HCN1: variants seen among roughly 807,000 people sequenced by gnomAD.
HCN1 encodes the protein hyperpolarization activated cyclic nucleotide gated potassium channel 1, also known as potassium/sodium hyperpolarization-activated cyclic nucleotide-gated channel 1.
HCN1 carries 13 observed loss-of-function variants against 78.9 expected under a neutral mutation model. The ratio of observed to expected loss-of-function variants is 0.16; its 90% CI spans 0.11 to 0.26. The LOEUF (loss-of-function observed/expected upper bound fraction) is 0.26, where lower values mean the gene tolerates loss of function less well. HCN1 is among the 10% of genes least tolerant of loss of function. The pLI is 1.00. For synonymous variants in HCN1, 552 were observed against 455.5 expected, an observed-to-expected ratio of 1.21 and a Z score of -2.70; for missense variants, 810 against 1,154.3, an observed-to-expected ratio of 0.70 and a Z score of 4.32.
intron 3 of HCN1, among the ~76,000 whole-genome samples, chr5:45,403,671 T>C (rs1739867218): frequency 6.6e-6 from 1 of 152,050 alleles, no homozygotes; most frequent in African/African-American, 2.4e-5. Context: ...CAATTCAAGA[T>C]GAGATTTTGG....
chr5:45,358,211 G>A (rs1251571098), intron 4 of HCN1, among the ~76,000 whole-genome samples: 1 of 152,090 alleles, frequency 6.6e-6, no homozygotes, highest in Non-Finnish European at 1.5e-5. Flanking sequence ...GAAATCATAA[G>A]TATAATAACC....
chr5:45,458,224 T>C (rs1475735634), intron 3 of HCN1, among the ~76,000 whole-genome samples: 2 of 151,978 alleles, frequency 1.3e-5, no homozygotes, highest in Non-Finnish European at 2.9e-5. Context: ...AGTATGGGTA[T>C]AAGTGCAGAT....
intron 6 of HCN1, among the ~76,000 whole-genome samples, chr5:45,285,606 G>A (rs1228970493): frequency 6.6e-6 from 1 of 151,742 alleles, no homozygotes; most frequent in Non-Finnish European, 1.5e-5. Context: ...CATTTTCATG[G>A]TCCCTGAGAA....
chr5:45,348,145 C>T (rs1306114203), intron 5 of HCN1, among the ~76,000 whole-genome samples: 2 of 152,100 alleles, frequency 1.3e-5, no homozygotes, highest in African/African-American at 4.8e-5. Flanking sequence ...AAGGGAAGCC[C>T]ATCAGACTAA....
At position 45,265,716 on chromosome 5, in the gene HCN1, C is replaced by T. The variant is rs1744842753; in HGVS notation, c.1783+1373G>A. On this transcript the variant is annotated intron_variant, in intron 7 of 7. Coordinates refer to ENST00000303230, the MANE Select transcript of HCN1 (RefSeq NM_021072.4). ...ACCTCCTTGTTTATCACAAGTGATC[C>T]CAGCCCCATCTTTTTTGAGTTCATT... 2.0e-5 allele frequency among the ~76,000 whole-genome samples: 3 copies of T among 152,092 alleles called. No homozygotes were observed. In the South Asian group the frequency reaches 6.2e-4, roughly 31 times the overall value.
At chr5:45,630,192 CA>C (rs1745246413) in intron 2 of HCN1, among the ~76,000 whole-genome samples, 1 of 152,128 alleles carries the variant, frequency 6.6e-6, no homozygotes, top group African/African-American at 2.4e-5. Context: ...GACCCTGCCT[CA>C]AATCTTACCT....
At chr5:45,480,617 A>G (rs999274157) in intron 2 of HCN1, among the ~76,000 whole-genome samples, 6 of 152,178 alleles carry the variant, frequency 3.9e-5, no homozygotes, top group Admixed American at 3.3e-4. Flanking sequence ...CTCATGAACA[A>G]TGACTGAAAT....
At chr5:45,486,953 CT>C (rs1741777983) in intron 2 of HCN1, among the ~76,000 whole-genome samples, 1 of 152,038 alleles carries the variant, frequency 6.6e-6, no homozygotes, top group African/African-American at 2.4e-5. Context: ...CACAGTTGTC[CT>C]AAATACAGTC....
chr5:45,330,757 T>C (rs1442070361), intron 5 of HCN1, among the ~76,000 whole-genome samples: 1 of 151,036 alleles, frequency 6.6e-6, no homozygotes, highest in Non-Finnish European at 1.5e-5. Context: ...GCTTCTTTGG[T>C]ATTGATGTTT....
intron 5 of HCN1, among the ~76,000 whole-genome samples, chr5:45,341,914 T>C (rs1168111305): frequency 1.3e-5 from 2 of 152,176 alleles, no homozygotes; most frequent in Non-Finnish European, 2.9e-5. Context: ...AGAGTTTTGA[T>C]GGGAGATCAT....
intron 2 of HCN1, among the ~76,000 whole-genome samples, chr5:45,500,403 T>A (rs1163402340): frequency 6.6e-6 from 1 of 152,202 alleles, no homozygotes; most frequent in East Asian, 1.9e-4. Flanking sequence ...ATATGGTTTT[T>A]AAAATAAAAT....
At chr5:45,531,718 C>A (rs1380158930) in intron 2 of HCN1, among the ~76,000 whole-genome samples, 3 of 152,082 alleles carry the variant, frequency 2.0e-5, no homozygotes, top group African/African-American at 7.2e-5. Flanking sequence ...TAGGCTCTGA[C>A]ACTTTTTTTT....
chr5:45,485,234 G>A (rs753164565), intron 2 of HCN1, among the ~76,000 whole-genome samples: 1 of 152,140 alleles, frequency 6.6e-6, no homozygotes, highest in African/African-American at 2.4e-5. Context: ...AATAAGTGAC[G>A]ACTTGATGCC....
chr5:45,580,603 G>GTGTATACA (rs1744044517), intron 2 of HCN1, among the ~76,000 whole-genome samples: 1 of 151,892 alleles, frequency 6.6e-6, no homozygotes, highest in South Asian at 2.1e-4. Flanking sequence ...TTTGTTACAT[G>GTGTATACA]TGTATACATG....
intron 5 of HCN1, among the ~76,000 whole-genome samples, chr5:45,317,774 C>T (rs1159158917): frequency 6.6e-6 from 1 of 152,214 alleles, no homozygotes. Flanking sequence ...AGACACTTCT[C>T]AAAAGAAGAC....
intron 5 of HCN1, among the ~76,000 whole-genome samples, chr5:45,348,302 A>G (rs1338516036): frequency 6.6e-6 from 1 of 152,202 alleles, no homozygotes; most frequent in Non-Finnish European, 1.5e-5. Flanking sequence ...AATACTTTAC[A>G]GACAAGCAAA....
At chr5:45,586,099 T>C (rs1477666804) in intron 2 of HCN1, among the ~76,000 whole-genome samples, 1 of 152,160 alleles carries the variant, frequency 6.6e-6, no homozygotes, top group Non-Finnish European at 1.5e-5. Context: ...CTGCCTTTTT[T>C]TGGCTATGCT....
chr5:45,269,510 G>T (rs1456304894), intron 6 of HCN1, among the ~76,000 whole-genome samples: 1 of 152,050 alleles, frequency 6.6e-6, no homozygotes, highest in African/African-American at 2.4e-5. Flanking sequence ...CACATTTAAA[G>T]ATAAAAAACT....
At chr5:45,672,710 C>T (rs2112077613) in intron 1 of HCN1, among the ~76,000 whole-genome samples, 1 of 151,266 alleles carries the variant, frequency 6.6e-6, no homozygotes, top group Admixed American at 6.6e-5. Flanking sequence ...TGCAAAAGAT[C>T]CAATTTTTTT....
Sources: gnomAD v4.1 joint callset for allele counts (sites outside exome capture counted in the v4.1 genomes callset) on GRCh38, gnomAD v4.1.1 for gene constraint, MANE v1.5 for transcripts, NCBI Gene and HGNC (gene_info 2026-07-23, HGNC 2026-07-21) for gene names.